Variants in SIPA1L1 observed in about 807,000 individuals in gnomAD.
SIPA1L1 encodes signal induced proliferation associated 1 like 1.
In SIPA1L1, 26 loss-of-function variants were observed where a neutral mutation model predicts 162.7. The observed-to-expected ratio is 0.16, with a 90% confidence interval of 0.12 to 0.22. SIPA1L1 has a LOEUF of 0.22. Among genes scored for constraint, SIPA1L1 ranks in the 10% least tolerant of loss-of-function variants. The pLI is 1.00. For synonymous variants in SIPA1L1, 829 were observed against 837.4 expected, an observed-to-expected ratio of 0.99 and a Z score of 0.17; for missense variants, 1,874 against 2,241.0, an observed-to-expected ratio of 0.84 and a Z score of 3.31.
At chr14:71,348,333 T>C (rs2036370852) in intron 2 of SIPA1L1, among the ~76,000 whole-genome samples, 1 of 152,214 alleles carries the variant, frequency 6.6e-6, no homozygotes, top group African/African-American at 2.4e-5. Flanking sequence ...TTTTTATATA[T>C]TTTTTGAAAT....
chr14:71,496,381 T>C (rs946426597), intron 2 of SIPA1L1, among the ~76,000 whole-genome samples: 2 of 152,084 alleles, frequency 1.3e-5, no homozygotes, highest in Non-Finnish European at 2.9e-5. Context: ...CTTTGACCCA[T>C]GGGTTGTTTG....
intron 2 of SIPA1L1, among the ~76,000 whole-genome samples, chr14:71,439,374 GTGTT>G (rs999551913): frequency 6.6e-6 from 1 of 152,096 alleles, no homozygotes; most frequent in Non-Finnish European, 1.5e-5. Context: ...GGAGCATTCT[GTGTT>G]TGTCATAAAT....
In SIPA1L1 at chr14:71,587,762, C is replaced by T. The variant is rs1438007503; in HGVS notation, c.-111C>T. 1.0e-6 allele frequency: 1 copy of T among 966,542 alleles called. No individual in the cohort carries two copies. The highest frequency in any genetic ancestry group is 1.5e-6 in the Non-Finnish European group (1 of 647,368). The allele number at this position is 966,542 out of a possible 1,614,324, so 59.9% of individuals were successfully genotyped here. A position where few individuals can be genotyped will look rare whatever the true frequency, so the allele number is the denominator to read the frequency against. On this transcript the variant is annotated 5_prime_UTR_variant, in exon 5 of 24. Coordinates refer to ENST00000381232, the MANE Select transcript of SIPA1L1 (RefSeq NM_001386936.1). ...TTTTAAATGAAAAAGATTAAGATCTCATGCAACTGTTGTATTTTCTGGAAG... is the reference window on the plus strand; with the variant it reads ...TTTTAAATGAAAAAGATTAAGATCTTATGCAACTGTTGTATTTTCTGGAAG...
chr14:71,699,010 C>T lies in SIPA1L1; in HGVS notation c.3404C>T (p.Thr1135Met), dbSNP rs192621379. ...RLSPGSDIYV[T>M]VSSMALARSQ... ...TCTCCTGGTTCGGACATCTATGTGA[C>T]GGTCTCATCCATGGCTTTAGCAAGA... The change falls in exon 14 of 24, where the codon ACG becomes ATG. Residue 1135 changes from threonine to methionine, a missense_variant. This residue lies in a region of SIPA1L1 where 936 missense variants were observed against 1,051.9 expected (regional missense o/e 0.89). Transcript: ENST00000381232. The T allele has an allele frequency of 2.7e-5, 43 of 1,614,154 alleles. No individual in the cohort carries two copies. Among genetic ancestry groups the T allele is most frequent in the East Asian group, 4.5e-5 (2 of 44,890 alleles).
intron 2 of SIPA1L1, among the ~76,000 whole-genome samples, chr14:71,329,599 C>T (rs190948416): frequency 1.1e-4 from 16 of 152,048 alleles, no homozygotes; most frequent in Middle Eastern, 3.4e-3. Flanking sequence ...CACCACCACA[C>T]CCAGAGCTAA....
chr14:71,356,620 G>A (rs1433537867), intron 2 of SIPA1L1, among the ~76,000 whole-genome samples: 1 of 140,020 alleles, frequency 7.1e-6, no homozygotes, highest in African/African-American at 2.7e-5. Flanking sequence ...CAGGGAGGCT[G>A]AGGCAGGAGG....
At chr14:71,509,530 G>A (rs902539111) in intron 2 of SIPA1L1, among the ~76,000 whole-genome samples, 2 of 152,100 alleles carry the variant, frequency 1.3e-5, no homozygotes, top group African/African-American at 4.8e-5. Context: ...ATTGCTTGAG[G>A]TCAGGAGTTC....
chr14:71,606,141 G>A (rs1341905550), intron 5 of SIPA1L1, among the ~76,000 whole-genome samples: 1 of 152,174 alleles, frequency 6.6e-6, no homozygotes, highest in Non-Finnish European at 1.5e-5. Context: ...CTGCTCTGTG[G>A]CTGTGCTCCT....
chr14:71,591,050 C>T (rs1417979221), intron 5 of SIPA1L1, among the ~76,000 whole-genome samples: 2 of 152,044 alleles, frequency 1.3e-5, no homozygotes, highest in South Asian at 2.1e-4. Flanking sequence ...TCTGAGCTGT[C>T]GATAGGTGGA....
chr14:71,707,623 T>TG (rs955897849), intron 16 of SIPA1L1, among the ~76,000 whole-genome samples: 10 of 152,232 alleles, frequency 6.6e-5, no homozygotes, highest in African/African-American at 2.4e-4. Context: ...TGTTGTAGCA[T>TG]GAATCAGTAC....
intron 2 of SIPA1L1, among the ~76,000 whole-genome samples, chr14:71,450,562 A>G (rs1301645074): frequency 6.6e-6 from 1 of 152,204 alleles, no homozygotes; most frequent in African/African-American, 2.4e-5. Context: ...CTAGTACTGC[A>G]TTCAACTTCG....
At chr14:71,454,375 A>C (rs887048961) in intron 2 of SIPA1L1, among the ~76,000 whole-genome samples, 2 of 152,218 alleles carry the variant, frequency 1.3e-5, no homozygotes, top group Admixed American at 6.5e-5. Flanking sequence ...GGGCGCCAGT[A>C]ATATATAAAA....
Position 71,589,139 on chromosome 14 carries a change from G to A in SIPA1L1, c.1267G>A (p.Gly423Arg). The A allele has an allele frequency of 1.2e-6, 2 of 1,614,124 alleles. No individual in the cohort carries two copies. Among genetic ancestry groups the A allele is most frequent in the Non-Finnish European group, 1.7e-6 (2 of 1,179,976 alleles). Reference protein sequence around the residue: ...SCPYFRNEIGGEGERKISLSK... With the variant: ...SCPYFRNEIGREGERKISLSK... The stretch of plus-strand genomic sequence containing the variant: ...TCCATATTTTCGGAATGAGATAGGT[G>A]GAGAAGGGGAGAGGAAAATCAGCCT... The change falls in exon 5 of 24, where the codon GGA (glycine) becomes AGA (arginine). Residue 423 changes from glycine to arginine, a missense_variant. By Grantham distance (125) the Gly-to-Arg change is moderately radical. Transcript: ENST00000381232.
intron 17 of SIPA1L1, among the ~76,000 whole-genome samples, chr14:71,722,092 G>A (rs1057234823): frequency 7.2e-5 from 11 of 152,214 alleles, no homozygotes; most frequent in African/African-American, 2.7e-4. Context: ...TCTCTGACGT[G>A]CACAGATTCT....
chr14:71,470,629 C>G (rs2047377405), intron 2 of SIPA1L1, among the ~76,000 whole-genome samples: 1 of 152,074 alleles, frequency 6.6e-6, no homozygotes, highest in Non-Finnish European at 1.5e-5. Context: ...ATTAGGAGCT[C>G]TGGGTTCTCA....
At chr14:71,416,347 A>C (rs534171688) in intron 2 of SIPA1L1, 2 of 152,256 alleles carry the variant, frequency 1.3e-5, no homozygotes, top group African/African-American at 4.8e-5. Flanking sequence ...GGTTTCAGTT[A>C]CTTGTTAGGA....
intron 2 of SIPA1L1, among the ~76,000 whole-genome samples, chr14:71,478,393 C>T (rs1362995646): frequency 1.3e-5 from 2 of 151,636 alleles, no homozygotes; most frequent in African/African-American, 4.8e-5. Flanking sequence ...TACAGTTTAT[C>T]TTTTTTTTAA....
At chr14:71,463,167 C>T (rs967119901) in intron 2 of SIPA1L1, among the ~76,000 whole-genome samples, 7 of 152,126 alleles carry the variant, frequency 4.6e-5, no homozygotes, top group Admixed American at 1.3e-4. Flanking sequence ...TTTAGGCATG[C>T]GGTATTGTTT....
intron 2 of SIPA1L1, among the ~76,000 whole-genome samples, chr14:71,411,663 G>A (rs2042414223): frequency 6.6e-6 from 1 of 152,212 alleles, no homozygotes; most frequent in African/African-American, 2.4e-5. Flanking sequence ...GCTCCCGACT[G>A]GAGTCCTGCC....
Sources: allele counts gnomAD v4.1 joint callset (sites outside exome capture counted in the v4.1 genomes callset), GRCh38; gene constraint gnomAD v4.1.1; regional missense constraint gnomAD v4.1.1; transcripts MANE v1.5; gene names NCBI Gene and HGNC (gene_info 2026-07-23, HGNC 2026-07-21).